The following MYO3B variants were observed in gnomAD, a reference collection of about 807,000 sequenced individuals.
MYO3B encodes myosin-IIIb.
Under a neutral mutation model 174.6 loss-of-function variants are expected in MYO3B, and 156 were observed. The ratio of observed to expected loss-of-function variants is 0.89; its 90% CI spans 0.78 to 1.02. The LOEUF (loss-of-function observed/expected upper bound fraction) is 1.02, where lower values mean the gene tolerates loss of function less well. Ranked by LOEUF, MYO3B falls within the 50% of genes least tolerant of loss-of-function variation. MYO3B has a pLI of 0.00. For synonymous variants in MYO3B, 563 were observed against 569.1 expected (o/e 0.99, Z 0.15); for missense variants, 1,632 against 1,639.4 (o/e 1.00, Z 0.08).
chr2:170,299,862 G>T (rs184442359), intron 7 of MYO3B, among the ~76,000 whole-genome samples: 20 of 152,318 alleles, frequency 1.3e-4, no homozygotes, highest in Non-Finnish European at 2.6e-4. Flanking sequence ...ATTATGTGGG[G>T]TCTTTGATAA....
At chr2:170,283,439 C>A (rs940683492) in intron 7 of MYO3B, among the ~76,000 whole-genome samples, 1 of 152,182 alleles carries the variant, frequency 6.6e-6, no homozygotes, top group African/African-American at 2.4e-5. Flanking sequence ...TATCTACTTG[C>A]TATTTTTGTT....
At position 170,633,787 on chromosome 2, in the gene MYO3B, T is replaced by C. The variant is rs183255084; in HGVS notation, c.3734-17841T>C. Among the ~76,000 whole-genome samples, 483 of 152,294 alleles carry C rather than the reference T, an allele frequency of 3.2e-3. 6 individuals are homozygous for C. Among genetic ancestry groups the C allele is most frequent in the Non-Finnish European group, 2.5e-3 (172 of 68,018 alleles). ...GCAAAGTCTCAGGATACAAAATCAA[T>C]GTGCAAAAATCACAGGCATTCTTAT... On this transcript the variant is annotated intron_variant, in intron 32 of 34. Transcript: ENST00000408978.
chr2:170,293,868 A>G (rs979766184), intron 7 of MYO3B, among the ~76,000 whole-genome samples: 3 of 152,000 alleles, frequency 2.0e-5, no homozygotes, highest in African/African-American at 4.8e-5. Context: ...TTCTCTGCCC[A>G]TGTCAATATC....
At chr2:170,441,725 G>A (rs1481947700) in intron 22 of MYO3B, among the ~76,000 whole-genome samples, 1 of 152,174 alleles carries the variant, frequency 6.6e-6, no homozygotes, top group Non-Finnish European at 1.5e-5. Flanking sequence ...TGCATTTGTT[G>A]TCATGGAGAT....
intron 8 of MYO3B, among the ~76,000 whole-genome samples, chr2:170,363,551 C>T (rs1407042175): frequency 2.6e-5 from 4 of 152,136 alleles, no homozygotes; most frequent in South Asian, 2.1e-4. Context: ...AGAAATGTCC[C>T]GTTTTTGCCT....
chr2:170,310,399 A>T (rs867306623), intron 7 of MYO3B, among the ~76,000 whole-genome samples: 9 of 152,302 alleles, frequency 5.9e-5, no homozygotes, highest in Middle Eastern at 6.8e-3. Context: ...GCAGTGGCTC[A>T]TGCCTGTGAT....
intron 8 of MYO3B, among the ~76,000 whole-genome samples, chr2:170,339,345 AAT>A (rs1310382567): frequency 6.6e-6 from 1 of 152,248 alleles, no homozygotes; most frequent in South Asian, 2.1e-4. Context: ...TAAGACCTTT[AAT>A]ACTTTGTCCT....
At chr2:170,519,086 C>T (rs947098153) in intron 29 of MYO3B, among the ~76,000 whole-genome samples, 7 of 152,216 alleles carry the variant, frequency 4.6e-5, no homozygotes, top group Admixed American at 4.6e-4. Flanking sequence ...AGAAGCTGAT[C>T]TGCTGTCTCT....
intron 7 of MYO3B, among the ~76,000 whole-genome samples, chr2:170,322,303 C>T (rs903482454): frequency 6.6e-6 from 1 of 152,060 alleles, no homozygotes; most frequent in Non-Finnish European, 1.5e-5. Context: ...GCTAGGCAAC[C>T]GGGTAGGAAA....
intron 22 of MYO3B, among the ~76,000 whole-genome samples, chr2:170,408,104 T>C (rs1285195237): frequency 2.0e-5 from 3 of 152,220 alleles, no homozygotes; most frequent in Non-Finnish European, 4.4e-5. Flanking sequence ...TCTTAGACTT[T>C]CTTGTCCTTC....
intron 32 of MYO3B, chr2:170,643,992 T>C (rs1168000512): frequency 1.3e-5 from 2 of 152,146 alleles, no homozygotes; most frequent in Non-Finnish European, 2.9e-5. Flanking sequence ...GAGGACAGCG[T>C]AGGAGGGGGC....
Position 170,499,694 on chromosome 2 carries a change from G to C in MYO3B, c.3175G>C (p.Glu1059Gln), listed in dbSNP as rs377732013. The change falls in exon 27 of 35, where the codon GAA (glutamate) becomes CAA (glutamine). Residue 1059 changes from glutamate (E) to glutamine (Q), a missense_variant. Coordinates refer to ENST00000408978, the MANE Select transcript of MYO3B (RefSeq NM_138995.5). The stretch of plus-strand genomic sequence containing the variant: ...TGAGCAATTAAATTTGCTGCTTCGA[G>C]AAGTCATAGGCAGAGTGGTTGTGCT... ...HVEQLNLLLR[E>Q]VIGRVVVLQA... is the part of the protein sequence containing the mutation. 6.2e-7 allele frequency: 1 copy of C among 1,613,988 alleles called. No homozygotes were observed. The highest frequency in any genetic ancestry group is 8.5e-7 in the Non-Finnish European group (1 of 1,180,002).
intron 13 of MYO3B, among the ~76,000 whole-genome samples, chr2:170,386,619 G>A (rs1029432296): frequency 1.3e-5 from 2 of 152,194 alleles, no homozygotes; most frequent in African/African-American, 4.8e-5. Context: ...ATGTAAAATA[G>A]AAGCCTTTGA....
intron 32 of MYO3B, among the ~76,000 whole-genome samples, chr2:170,587,940 G>A (rs887800367): frequency 6.6e-6 from 1 of 152,174 alleles, no homozygotes; most frequent in African/African-American, 2.4e-5. Flanking sequence ...TTTTCAGTAT[G>A]GATGAAACCT....
At chr2:170,642,502 CTT>C (rs1698056259) in intron 32 of MYO3B, among the ~76,000 whole-genome samples, 1 of 152,138 alleles carries the variant, frequency 6.6e-6, no homozygotes, top group South Asian at 2.1e-4. Flanking sequence ...GAAAATCTCT[CTT>C]TCTGGTTGTG....
Position 170,383,750 on chromosome 2 carries a change from C to A in MYO3B, c.1226C>A (p.Pro409His), listed in dbSNP as rs2105742128. 6.2e-7 allele frequency: 1 copy of A among 1,613,654 alleles called. No homozygotes were observed. The highest frequency in any genetic ancestry group is 8.5e-7 in the Non-Finnish European group (1 of 1,179,680). The change falls in exon 12 of 35, where the codon CCC (proline) becomes CAC (histidine). Residue 409 changes from proline (P) to histidine (H), a missense_variant. Pro to His is a moderately conservative substitution (Grantham distance 77). Transcript: ENST00000408978. ...CATGGGGTGAAACGCGCCTCCAATC[C>A]CCCCCACATATTTGCATCAGCAGAT... ...LYHGVKRASN[P>H]PHIFASADAA... is the part of the protein sequence containing the mutation.
intron 1 of MYO3B, among the ~76,000 whole-genome samples, chr2:170,178,926 T>TA (rs2092364638): frequency 6.6e-6 from 1 of 152,230 alleles, no homozygotes; most frequent in African/African-American, 2.4e-5. Flanking sequence ...CAATAGTAGA[T>TA]AAATTCCATT....
intron 7 of MYO3B, among the ~76,000 whole-genome samples, chr2:170,332,600 A>G (rs1303384136): frequency 1.3e-5 from 2 of 152,196 alleles, no homozygotes; most frequent in African/African-American, 2.4e-5. Flanking sequence ...GCTTTACTGA[A>G]CCAAAGTAGG....
intron 7 of MYO3B, among the ~76,000 whole-genome samples, chr2:170,288,393 G>A (rs958240901): frequency 2.6e-5 from 4 of 151,580 alleles, no homozygotes; most frequent in African/African-American, 4.8e-5. Flanking sequence ...TATCCTCTTC[G>A]ATTTCTTTCA....
Sources: allele counts gnomAD v4.1 joint callset (sites outside exome capture counted in the v4.1 genomes callset), GRCh38; gene constraint gnomAD v4.1.1; transcripts MANE v1.5; gene names NCBI Gene and HGNC (gene_info 2026-07-23, HGNC 2026-07-21).